The following STK32B variants were observed in gnomAD, a reference collection of about 807,000 sequenced individuals.
STK32B encodes serine/threonine-protein kinase 32B.
Under a neutral mutation model 52.6 loss-of-function variants are expected in STK32B, and 43 were observed. The ratio of observed to expected loss-of-function variants is 0.82; its 90% CI spans 0.64 to 1.05. The LOEUF (loss-of-function observed/expected upper bound fraction) is 1.05. STK32B is among the 50% of genes least tolerant of loss of function. STK32B has a pLI of 0.00. For missense variants in STK32B, 621 were observed against 534.6 expected, an observed-to-expected ratio of 1.16 and a Z score of -1.59; for synonymous variants, 238 against 204.3, an observed-to-expected ratio of 1.17 and a Z score of -1.41.
At chr4:5,195,238 C>T (rs1479682865) in intron 3 of STK32B, among the ~76,000 whole-genome samples, 1 of 152,034 alleles carries the variant, frequency 6.6e-6, no homozygotes, top group East Asian at 1.9e-4. Context: ...CTTTGATTTG[C>T]CAATATATTC....
chr4:5,290,501 A>G lies in STK32B; in HGVS notation c.261-40719A>G, dbSNP rs141746443. Among the ~76,000 whole-genome samples the G allele has an allele frequency of 3.3e-3, 503 of 152,322 alleles. 4 individuals carry two copies. Among genetic ancestry groups the G allele is most frequent in the African/African-American group, 0.012 (479 of 41,576 alleles). On this transcript the variant is annotated intron_variant, in intron 3 of 11. Coordinates refer to ENST00000282908, the MANE Select transcript of STK32B (RefSeq NM_018401.3). The stretch of plus-strand genomic sequence containing the variant: ...GATCATCAAGATATCACTGGCTGAT[A>G]ATAATCTTTATCTCCGTTATAATCT...
Position 5,446,677 on chromosome 4 carries a change from A to T in STK32B, c.567A>T (p.Pro189=), listed in dbSNP as rs781698429. ...TCCTTGTCCTCTCGTTGGCAGCTCCAGAAGTATTCCAGGTGTACATGGACA... is the reference window on the plus strand; with the variant it reads ...TCCTTGTCCTCTCGTTGGCAGCTCCTGAAGTATTCCAGGTGTACATGGACA... ...SMAGTKPYMA[P]EVFQVYMDRG... Residue 189 remains proline (P), a synonymous_variant, in exon 7 of 12, where the codon CCA becomes CCT. Transcript: ENST00000282908. 33 of 1,613,870 alleles carry T rather than the reference A, an allele frequency of 2.0e-5. No individual in the cohort carries two copies. Among genetic ancestry groups the T allele is most frequent in the Non-Finnish European group, 2.6e-5 (31 of 1,179,950 alleles).
intron 3 of STK32B, among the ~76,000 whole-genome samples, chr4:5,266,084 A>G (rs566533868): frequency 5.9e-5 from 9 of 152,326 alleles, no homozygotes; most frequent in African/African-American, 1.9e-4. Context: ...CTTAATATAC[A>G]TGTAGTCTCC....
In STK32B at chr4:5,498,987, CG is replaced by C. The variant is rs1560100500; in HGVS notation, c.1150del (p.Asp384ThrfsTer57). On this transcript the variant is annotated frameshift_variant, in exon 12 of 12. Coordinates refer to ENST00000282908, the MANE Select transcript of STK32B (RefSeq NM_018401.3). LOFTEE classifies it high-confidence loss of function. ...GACAGGGCAGCCAGCTCTTGGACAC[CG>C]ACAGCCGAGGGGGAGGCCAGGCCCA... ...QGQGSQLLDT[D>X]SRGGGQAQSK... The C allele has an allele frequency of 6.2e-7, 1 of 1,613,646 alleles. No individual in the cohort carries two copies. Among genetic ancestry groups the C allele is most frequent in the African/African-American group, 1.3e-5 (1 of 74,888 alleles).
chr4:5,033,688 G>A, the STK32B span, among the ~76,000 whole-genome samples: 1 of 152,346 alleles, frequency 6.6e-6, no homozygotes, highest in East Asian at 1.9e-4. Flanking sequence ...CCTGAGCACT[G>A]CAGCTGCTAC....
rs968446999 is a variant in STK32B at position 5,439,771 on chromosome 4, G to A, written c.563-6902G>A. 9.9e-4 allele frequency among the ~76,000 whole-genome samples: 150 copies of A among 152,024 alleles called. 1 individual carries two copies. Among genetic ancestry groups the A allele is most frequent in the Admixed American group, 1.2e-3 (19 of 15,262 alleles). On this transcript the variant is annotated intron_variant, in intron 6 of 11. Coordinates refer to ENST00000282908, the MANE Select transcript of STK32B (RefSeq NM_018401.3). ...TTAAGTCTTTAATCCATCTTGAATTGATTTTTGTATAAGGTGTAAGGAAGG... is the reference window on the plus strand; with the variant it reads ...TTAAGTCTTTAATCCATCTTGAATTAATTTTTGTATAAGGTGTAAGGAAGG...
intron 1 of STK32B, among the ~76,000 whole-genome samples, chr4:5,071,185 C>T (rs1461851771): frequency 6.6e-6 from 1 of 152,034 alleles, no homozygotes; most frequent in African/African-American, 2.4e-5. Context: ...GCAGTGATCA[C>T]GCTAGGTGCA....
At chr4:5,332,377 G>T (rs935151391) in intron 4 of STK32B, among the ~76,000 whole-genome samples, 4 of 152,132 alleles carry the variant, frequency 2.6e-5, no homozygotes, top group Non-Finnish European at 5.9e-5. Context: ...AGATGCTAAA[G>T]AATTCCCCAA....
intron 5 of STK32B, among the ~76,000 whole-genome samples, chr4:5,406,302 C>T (rs1231279652): frequency 6.6e-6 from 1 of 152,182 alleles, no homozygotes; most frequent in Non-Finnish European, 1.5e-5. Context: ...CGGCTGCCTT[C>T]ACAGGTTGGC....
Position 5,152,244 on chromosome 4 carries a change from G to A in STK32B, c.108+12284G>A, listed in dbSNP as rs75375029. On this transcript the variant is annotated intron_variant, in intron 2 of 11. Coordinates refer to ENST00000282908, the MANE Select transcript of STK32B (RefSeq NM_018401.3). ...GAGGTGGGTGAAGAGATGGCGTTTTGTTGGTGAAGGTTGAGATTAAGGTGA... is the reference window on the plus strand; with the variant it reads ...GAGGTGGGTGAAGAGATGGCGTTTTATTGGTGAAGGTTGAGATTAAGGTGA... Among the ~76,000 whole-genome samples the A allele has an allele frequency of 1.5e-3, 235 of 152,354 alleles. 4 individuals carry two copies. In the East Asian group the frequency reaches 0.037, roughly 24 times the overall value.
At chr4:5,046,944 T>A (rs1741629716), upstream of STK32B, among the ~76,000 whole-genome samples, 1 of 152,152 alleles carries the variant, frequency 6.6e-6, no homozygotes, top group African/African-American at 2.4e-5. Context: ...TTCTCAACGA[T>A]CTAGAGTGAG....
intron 11 of STK32B, among the ~76,000 whole-genome samples, chr4:5,492,516 T>C (rs1210404995): frequency 1.3e-5 from 2 of 151,976 alleles, no homozygotes; most frequent in East Asian, 3.8e-4. Flanking sequence ...TCATGTCGTC[T>C]GCAAAGAGGG....
intron 3 of STK32B, among the ~76,000 whole-genome samples, chr4:5,274,367 A>C (rs1407662823): frequency 6.6e-6 from 1 of 152,150 alleles, no homozygotes; most frequent in Non-Finnish European, 1.5e-5. Flanking sequence ...TGCCCTCATG[A>C]AGCTGCCCTT....
intron 4 of STK32B, among the ~76,000 whole-genome samples, chr4:5,342,470 T>G (rs957020654): frequency 1.3e-5 from 2 of 152,216 alleles, no homozygotes; most frequent in African/African-American, 4.8e-5. Context: ...AAACACCTTG[T>G]TTTCTCACTC....
intron 1 of STK32B, among the ~76,000 whole-genome samples, chr4:5,109,330 A>G (rs1714268234): frequency 6.6e-6 from 1 of 152,246 alleles, no homozygotes; most frequent in Admixed American, 6.5e-5. Context: ...TTGAACAACT[A>G]TTTTATGATA....
chr4:5,452,837 A>T (rs1716128847), intron 7 of STK32B, among the ~76,000 whole-genome samples: 1 of 152,116 alleles, frequency 6.6e-6, no homozygotes, highest in African/African-American at 2.4e-5. Context: ...CATAATAAGT[A>T]TATCCAATGT....
At chr4:5,179,436 A>G (rs1378693911) in intron 3 of STK32B, among the ~76,000 whole-genome samples, 5 of 152,230 alleles carry the variant, frequency 3.3e-5, no homozygotes, top group Non-Finnish European at 5.9e-5. Flanking sequence ...GTATCCACCT[A>G]TTATCATATA....
intron 6 of STK32B, among the ~76,000 whole-genome samples, chr4:5,429,429 G>T: frequency 6.6e-6 from 1 of 151,256 alleles, no homozygotes. Flanking sequence ...TTCTCCATTG[G>T]CTTAGTTTTT....
At chr4:5,063,641 T>C (rs1742301909) in intron 1 of STK32B, among the ~76,000 whole-genome samples, 1 of 152,240 alleles carries the variant, frequency 6.6e-6, no homozygotes, top group African/African-American at 2.4e-5. Flanking sequence ...TTTCAGTGTG[T>C]AATAAATACC....
Sources: gnomAD v4.1 joint callset for allele counts (sites outside exome capture counted in the v4.1 genomes callset) on GRCh38, gnomAD v4.1.1 for gene constraint, MANE v1.5 for transcripts, NCBI Gene and HGNC (gene_info 2026-07-23, HGNC 2026-07-21) for gene names.